The following ADGRV1 variants were observed in gnomAD, a reference collection of about 807,000 sequenced individuals.
The protein encoded by ADGRV1 is adhesion G protein-coupled receptor V1.
Under a neutral mutation model 596.2 loss-of-function variants are expected in ADGRV1, and 359 were observed. The ratio of observed to expected loss-of-function variants is 0.60; its 90% CI spans 0.55 to 0.66. The LOEUF (loss-of-function observed/expected upper bound fraction) is 0.66, where lower values mean the gene tolerates loss of function less well. Ranked by LOEUF, ADGRV1 falls within the 30% of genes least tolerant of loss-of-function variation. The pLI, the probability that ADGRV1 is intolerant of heterozygous loss-of-function variation, is 0.00. For missense variants in ADGRV1, 7,274 were observed against 7,575.6 expected (o/e 0.96, Z 1.48); for synonymous variants, 2,681 against 2,679.2 (o/e 1.00, Z -0.02).
At chr5:90,888,653 A>G (rs1157335837) in intron 83 of ADGRV1, among the ~76,000 whole-genome samples, 1 of 151,938 alleles carries the variant, frequency 6.6e-6, no homozygotes, top group Non-Finnish European at 1.5e-5. Context: ...TGTACTGCAG[A>G]TTTGCTTAGT....
chr5:91,058,921 C>A (rs1249049484), intron 85 of ADGRV1, among the ~76,000 whole-genome samples: 4 of 152,206 alleles, frequency 2.6e-5, no homozygotes, highest in Non-Finnish European at 5.9e-5. Flanking sequence ...TCCACAAAGT[C>A]TCCTGACTAC....
intron 86 of ADGRV1, among the ~76,000 whole-genome samples, chr5:91,083,664 A>T (rs1789617423): frequency 6.6e-6 from 1 of 152,244 alleles, no homozygotes; most frequent in Non-Finnish European, 1.5e-5. Context: ...TGCCTCATTA[A>T]GTATCACTTT....
In ADGRV1 at chr5:90,716,275, G is replaced by A. The variant is rs140655877; in HGVS notation, c.9185-192G>A. On this transcript the variant is annotated intron_variant, in intron 42 of 89. Coordinates refer to ENST00000405460, the MANE Select transcript of ADGRV1 (RefSeq NM_032119.4). ...CTGCCTTTTATCCCAAGATTACTGA[G>A]TATTTTTCTATCATGATTGAATATG... 3.0e-3 allele frequency among the ~76,000 whole-genome samples: 460 copies of A among 152,230 alleles called. 3 individuals are homozygous for A. Among genetic ancestry groups the A allele is most frequent in the African/African-American group, 0.01 (418 of 41,536 alleles).
At chr5:90,987,512 C>T (rs889844996) in intron 85 of ADGRV1, among the ~76,000 whole-genome samples, 3 of 150,864 alleles carry the variant, frequency 2.0e-5, no homozygotes, top group Middle Eastern at 6.9e-3. Context: ...GCGTGTCTAA[C>T]CTTTGCATTA....
At chr5:90,976,048 C>A (rs915177336) in intron 84 of ADGRV1, among the ~76,000 whole-genome samples, 13 of 151,614 alleles carry the variant, frequency 8.6e-5, no homozygotes, top group African/African-American at 3.1e-4. Flanking sequence ...AAAAGTACAT[C>A]TTTTTCTCAC....
chr5:90,676,950 C>T (rs1424973228), intron 25 of ADGRV1: 1 of 152,132 alleles, frequency 6.6e-6, no homozygotes, highest in Non-Finnish European at 1.5e-5. Context: ...CTAAGTGAGG[C>T]TATTGATAAT....
chr5:91,014,660 G>A (rs1053430884), intron 85 of ADGRV1, among the ~76,000 whole-genome samples: 44 of 151,676 alleles, frequency 2.9e-4, no homozygotes, highest in African/African-American at 1.1e-3. Flanking sequence ...ATCTCTTCTA[G>A]GTTTTCCAGT....
chr5:90,671,759 A>G (rs1354380841), intron 21 of ADGRV1, among the ~76,000 whole-genome samples: 3 of 152,206 alleles, frequency 2.0e-5, no homozygotes, highest in African/African-American at 4.8e-5. Context: ...TGCTAACATA[A>G]AAATAAAATT....
intron 1 of ADGRV1, among the ~76,000 whole-genome samples, chr5:90,567,548 C>CT (rs773658745): frequency 4.6e-5 from 7 of 151,858 alleles, no homozygotes; most frequent in Non-Finnish European, 1.0e-4. Context: ...ATGTTCGTAT[C>CT]TTCCTAGGGA....
intron 83 of ADGRV1, among the ~76,000 whole-genome samples, chr5:90,899,535 C>T (rs552205588): frequency 6.6e-6 from 1 of 152,266 alleles, no homozygotes; most frequent in East Asian, 1.9e-4. Context: ...AACCGCGTTC[C>T]AGATTGTTTC....
At chr5:90,696,163 G>T (rs887657471) in intron 33 of ADGRV1, among the ~76,000 whole-genome samples, 1 of 151,774 alleles carries the variant, frequency 6.6e-6, no homozygotes, top group Non-Finnish European at 1.5e-5. Context: ...CTCCTTCATT[G>T]TCTCTCCAGA....
intron 21 of ADGRV1, among the ~76,000 whole-genome samples, chr5:90,668,383 T>A (rs912755552): frequency 6.6e-6 from 1 of 152,120 alleles, no homozygotes; most frequent in Non-Finnish European, 1.5e-5. Flanking sequence ...CCAGGTGCCG[T>A]CCGTCACCCC....
chr5:90,570,384 T>C (rs1474955967), intron 1 of ADGRV1, among the ~76,000 whole-genome samples: 5 of 152,168 alleles, frequency 3.3e-5, no homozygotes, highest in African/African-American at 9.6e-5. Flanking sequence ...GGCAGTTTCG[T>C]ATATGTCTAC....
chr5:90,831,872 TC>T (rs1302620307), intron 77 of ADGRV1, among the ~76,000 whole-genome samples: 3 of 152,158 alleles, frequency 2.0e-5, no homozygotes, highest in Non-Finnish European at 4.4e-5. Context: ...CATAATAACC[TC>T]CAGTTCCATC....
chr5:90,564,869 G>T lies in ADGRV1; in HGVS notation c.22+5952G>T, dbSNP rs1315325818. ...TCTCGATCTCCTGACCTCGTGATCC[G>T]CCCGCCTCGGCCTCCCAAAGTGCTG... On this transcript the variant is annotated intron_variant, in intron 1 of 89. Coordinates refer to ENST00000405460, the MANE Select transcript of ADGRV1 (RefSeq NM_032119.4). 7.6e-5 allele frequency among the ~76,000 whole-genome samples: 2 copies of T among 26,314 alleles called. 1 individual carries two copies. The highest frequency in any genetic ancestry group is 6.2e-4 in the African/African-American group (2 of 3,206). 17.3% of individuals were successfully genotyped at this position (26,314 alleles called of 152,430 possible). A position where few individuals can be genotyped will look rare whatever the true frequency, so the allele number is the denominator to read the frequency against.
chr5:90,595,994 G>C (rs1404406289), intron 1 of ADGRV1, among the ~76,000 whole-genome samples: 2 of 148,968 alleles, frequency 1.3e-5, no homozygotes, highest in African/African-American at 5.0e-5. Context: ...CTTTTCAGAC[G>C]GGGCGGCTGC....
intron 60 of ADGRV1, among the ~76,000 whole-genome samples, chr5:90,776,068 G>A (rs1472724999): frequency 6.6e-6 from 1 of 152,132 alleles, no homozygotes; most frequent in East Asian, 1.9e-4. Context: ...GTGCCCCCAA[G>A]AAATCTTGCT....
chr5:91,054,421 G>A (rs147774497), intron 85 of ADGRV1, among the ~76,000 whole-genome samples: 3 of 152,288 alleles, frequency 2.0e-5, no homozygotes, highest in East Asian at 1.9e-4. Flanking sequence ...AAAAAATCAT[G>A]AGGATGCTAT....
intron 86 of ADGRV1, among the ~76,000 whole-genome samples, chr5:91,080,448 C>T (rs1789239677): frequency 6.6e-6 from 1 of 152,110 alleles, no homozygotes; most frequent in African/African-American, 2.4e-5. Context: ...TTGTTGTTCA[C>T]ATCAATACTT....
Sources: gnomAD v4.1 joint callset for allele counts (sites outside exome capture counted in the v4.1 genomes callset) on GRCh38, gnomAD v4.1.1 for gene constraint, MANE v1.5 for transcripts, NCBI Gene and HGNC (gene_info 2026-07-23, HGNC 2026-07-21) for gene names.